XKR9: variants seen among roughly 807,000 people sequenced by gnomAD.
XKR9 encodes the protein XK-related protein 9.
XKR9 carries 32 observed loss-of-function variants against 32.0 expected under a neutral mutation model. The ratio of observed to expected loss-of-function variants is 1.00; its 90% CI spans 0.76 to 1.34. The LOEUF (loss-of-function observed/expected upper bound fraction) is 1.34. XKR9 is among the 40% of genes most tolerant of loss of function. XKR9 has a pLI of 0.00. For missense variants in XKR9, 546 were observed against 429.7 expected (o/e 1.27, Z -2.39); for synonymous variants, 168 against 143.4 (o/e 1.17, Z -1.22).
chr8:70,762,191 G>C (rs1471191222), intron 2 of XKR9, among the ~76,000 whole-genome samples: 1 of 151,512 alleles, frequency 6.6e-6, no homozygotes, highest in Non-Finnish European at 1.5e-5. Context: ...GCTTTTTTTT[G>C]GTTCCATATG....
the XKR9 span, among the ~76,000 whole-genome samples, chr8:70,852,568 A>G: frequency 2.4e-4 from 37 of 152,332 alleles, no homozygotes; most frequent in African/African-American, 4.8e-5. Flanking sequence ...TTGCAGCACT[A>G]TTCACAATAG....
the XKR9 span, among the ~76,000 whole-genome samples, chr8:70,854,248 G>T: frequency 6.6e-6 from 1 of 152,136 alleles, no homozygotes; most frequent in Non-Finnish European, 1.5e-5. Flanking sequence ...ATCTCATTGT[G>T]GTTTTGATTT....
At chr8:70,918,064 C>T in the XKR9 span, among the ~76,000 whole-genome samples, 35 of 152,290 alleles carry the variant, frequency 2.3e-4, no homozygotes, top group African/African-American at 8.4e-4. Context: ...GTGTGGAAAG[C>T]GTTGAGGGAC....
the XKR9 span, among the ~76,000 whole-genome samples, chr8:70,950,599 G>A: frequency 2.0e-5 from 3 of 152,144 alleles, no homozygotes; most frequent in Non-Finnish European, 4.4e-5. Context: ...TTTGTCTTCA[G>A]AGCAATGGGA....
the XKR9 span, among the ~76,000 whole-genome samples, chr8:70,803,467 G>C: frequency 5.9e-5 from 9 of 152,164 alleles, no homozygotes. Flanking sequence ...GCCTGGTTAA[G>C]AATTATTGCT....
At chr8:70,781,082 C>T (rs971158400) in intron 2 of XKR9, 1 of 151,910 alleles carries the variant, frequency 6.6e-6, no homozygotes, top group Non-Finnish European at 1.5e-5. Context: ...TTTTCATTTT[C>T]TTTTTAAAAA....
chr8:70,696,504 G>A (rs1362779365), intron 3 of XKR9, among the ~76,000 whole-genome samples: 48 of 148,718 alleles, frequency 3.2e-4, no homozygotes, highest in African/African-American at 1.1e-3. Flanking sequence ...GATATGCGGC[G>A]TTATTTCTGA....
At chr8:70,856,293 C>A in the XKR9 span, among the ~76,000 whole-genome samples, 2 of 152,096 alleles carry the variant, frequency 1.3e-5, no homozygotes, top group Non-Finnish European at 2.9e-5. Context: ...ATCTACCAAG[C>A]AAATGGAAAA....
downstream of XKR9, among the ~76,000 whole-genome samples, chr8:70,736,315 G>GTT (rs775679276): frequency 3.8e-5 from 5 of 131,652 alleles, no homozygotes; most frequent in Non-Finnish European, 9.1e-5. Flanking sequence ...TGATGGGGTT[G>GTT]TTTGTTTTTT....
At chr8:70,684,298 C>G (rs189509227) in intron 3 of XKR9, among the ~76,000 whole-genome samples, 1 of 152,214 alleles carries the variant, frequency 6.6e-6, no homozygotes, top group African/African-American at 2.4e-5. Context: ...GTAAGTTACA[C>G]GTTCTCACTG....
intron 4 of XKR9, among the ~76,000 whole-genome samples, chr8:70,726,522 T>G (rs1404411009): frequency 6.6e-6 from 1 of 152,164 alleles, no homozygotes; most frequent in Non-Finnish European, 1.5e-5. Flanking sequence ...AATAGAGCAT[T>G]CAATGAAAAT....
the XKR9 span, among the ~76,000 whole-genome samples, chr8:70,911,842 A>G: frequency 6.6e-6 from 1 of 152,190 alleles, no homozygotes; most frequent in Non-Finnish European, 1.5e-5. Context: ...AGAAAATTCT[A>G]GTTAAGAGGA....
At chr8:70,958,080 G>A in the XKR9 span, among the ~76,000 whole-genome samples, 164 of 152,232 alleles carry the variant, frequency 1.1e-3, 1 homozygote, top group Middle Eastern at 6.8e-3. Flanking sequence ...GAGCCATGGC[G>A]CCTGGCCCTC....
In XKR9 at chr8:70,706,974, A is replaced by C. The variant is rs548816589; in HGVS notation, c.314A>C (p.Lys105Thr). The change falls in exon 4 of 5, where the codon AAA becomes ACA. Residue 105 changes from lysine to threonine, a missense_variant. Transcript: ENST00000408926. Reference sequence around the variant, plus strand: ...AAAAGGGGTTACCATGCAGCTTTTAAATATGACAGCAATACTAGTAACTTC... The same window carrying C: ...AAAAGGGGTTACCATGCAGCTTTTACATATGACAGCAATACTAGTAACTTC... ...ALKRGYHAAF[K>T]YDSNTSNFVE... is the part of the protein sequence containing the mutation. 7 of 1,613,248 alleles carry C rather than the reference A, an allele frequency of 4.3e-6. No homozygotes were observed. The South Asian group carries it at 7.7e-5, about 18-fold the overall frequency.
At chr8:70,965,181 C>A in the XKR9 span, among the ~76,000 whole-genome samples, 1 of 152,016 alleles carries the variant, frequency 6.6e-6, no homozygotes, top group Admixed American at 6.6e-5. Context: ...TATCAAAGGC[C>A]TTTTCTGCAT....
chr8:70,697,024 C>G (rs1022496594), intron 3 of XKR9, among the ~76,000 whole-genome samples: 3 of 151,856 alleles, frequency 2.0e-5, no homozygotes, highest in African/African-American at 7.3e-5. Flanking sequence ...GATTTTTGTA[C>G]ATTGATTTTG....
At chr8:70,711,426 A>G (rs1158499531) in intron 4 of XKR9, among the ~76,000 whole-genome samples, 3 of 152,218 alleles carry the variant, frequency 2.0e-5, no homozygotes, top group Non-Finnish European at 4.4e-5. Flanking sequence ...CATATATACC[A>G]TGGAATACTA....
chr8:71,041,475 A>T, the XKR9 span, among the ~76,000 whole-genome samples: 1 of 152,196 alleles, frequency 6.6e-6, no homozygotes, highest in South Asian at 2.1e-4. Context: ...ATATTCAAAA[A>T]TTCCTATGTG....
At chr8:70,739,469 T>C (rs1423017406), downstream of XKR9, among the ~76,000 whole-genome samples, 3 of 152,188 alleles carry the variant, frequency 2.0e-5, no homozygotes, top group Non-Finnish European at 4.4e-5. Flanking sequence ...CCATTTACAT[T>C]TAAAGTTAAT....
Sources: gnomAD v4.1 joint callset for allele counts (sites outside exome capture counted in the v4.1 genomes callset) on GRCh38, gnomAD v4.1.1 for gene constraint, MANE v1.5 for transcripts, NCBI Gene and HGNC (gene_info 2026-07-23, HGNC 2026-07-21) for gene names.